The following SUPT16H variants were observed in gnomAD, a reference collection of about 807,000 sequenced individuals.
SUPT16H encodes FACT complex subunit SPT16.
A neutral mutation model predicts 136.2 loss-of-function variants in SUPT16H; 24 were observed. That is an observed-to-expected ratio of 0.18 (90% CI 0.13 to 0.25). The LOEUF (loss-of-function observed/expected upper bound fraction) is 0.25. SUPT16H is among the 10% of genes least tolerant of loss of function. The probability of loss-of-function intolerance (pLI) is 1.00; values close to 1 mark genes in which losing one functional copy is unlikely to be tolerated. For synonymous variants in SUPT16H, 415 were observed against 428.2 expected (o/e 0.97, Z 0.38); for missense variants, 623 against 1,270.2 (o/e 0.49, Z 7.74).
At chr14:21,359,334 G>C (rs1372644651) in intron 19 of SUPT16H, 150 bp downstream of exon 19, 2 of 1,044,458 alleles carry the variant, frequency 1.9e-6, no homozygotes, top group South Asian at 1.6e-5. Flanking sequence ...ACCCTCAGGT[G>C]ATCTGCCCAT....
chr14:21,383,951 G>C lies in SUPT16H; in HGVS notation c.-24C>G. ...ATAGCCCCGGACGCCGCTTCTCCTC[G>C]GGTTCCGAGAATCACGCGAGGTCCC... On this transcript the variant is annotated 5_prime_UTR_variant, in exon 1 of 26. Transcript: ENST00000216297. 1 of 1,612,230 alleles carries C rather than the reference G, an allele frequency of 6.2e-7. No individual in the cohort carries two copies. The highest frequency in any genetic ancestry group is 8.5e-7 in the Non-Finnish European group (1 of 1,180,002).
At position 21,357,214 on chromosome 14, in the gene SUPT16H, G is replaced by A. The variant is rs1164468575; in HGVS notation, c.2643C>T (p.Pro881=). The change falls in exon 22 of 26, where the codon CCC becomes CCT. Residue 881 remains proline (P), a synonymous_variant. Transcript: ENST00000216297. ...TTACTTACTTCAACCATTCCTTGAT[G>A]GGGTCAAGAGAGGCTACAGGAATGG... The part of the protein sequence containing the change: ...INAIPVASLD[P]IKEWLNSCDL... 6.3e-7 allele frequency: 1 copy of A among 1,596,858 alleles called. No homozygotes were observed. The highest frequency in any genetic ancestry group is 1.3e-5 in the African/African-American group (1 of 74,144).
intron 19 of SUPT16H, 137 bp from the exon 20 acceptor site, chr14:21,358,564 G>C: frequency 1.6e-6 from 1 of 625,636 alleles, no homozygotes; most frequent in African/African-American, 1.8e-5. Context: ...AGGATTTGCA[G>C]GTTTGTTACA....
Position 21,361,185 on chromosome 14 carries a change from GTGCCTTAATATTTGA to G in SUPT16H, c.1807_1821del (p.Ser603_Ala607del). On this transcript the variant is annotated inframe_deletion, in exon 16 of 26. Coordinates refer to ENST00000216297, the MANE Select transcript of SUPT16H (RefSeq NM_007192.4). ...AAGGCTGGTACTGTCTGTTCTCCGG[GTGCCTTAATATTTGA>G]TGCTCGGTATGTACTGCAGAAAAGC... 6.2e-7 allele frequency: 1 copy of G among 1,613,928 alleles called. No homozygotes were observed. The highest frequency in any genetic ancestry group is 1.3e-5 in the African/African-American group (1 of 74,978).
At chr14:21,361,634 T>C (rs1404575299) in intron 15 of SUPT16H, among the ~76,000 whole-genome samples, 2 of 152,142 alleles carry the variant, frequency 1.3e-5, no homozygotes, top group Non-Finnish European at 2.9e-5. Flanking sequence ...CTTTTTTCAT[T>C]TTTCAAATCT....
At chr14:21,376,014 CTA>C (rs1403729371) in intron 1 of SUPT16H, among the ~76,000 whole-genome samples, 1 of 152,216 alleles carries the variant, frequency 6.6e-6, no homozygotes, top group East Asian at 1.9e-4. Flanking sequence ...ACAGTTAGGT[CTA>C]TGATTCATTT....
At chr14:21,362,120 GCA>G (rs1886569703) in intron 15 of SUPT16H, 75 bp downstream of exon 15, 5 of 1,515,852 alleles carry the variant, frequency 3.3e-6, no homozygotes. Context: ...GGAAAATGTA[GCA>G]CAGACAATGA....
chr14:21,352,968 C>T, intron 25 of SUPT16H, 150 bp from the exon 26 acceptor site: 1 of 1,065,596 alleles, frequency 9.4e-7, no homozygotes, highest in Non-Finnish European at 1.4e-6. Flanking sequence ...GGTTTATTTA[C>T]AAAAGGGAGA....
At position 21,366,498 on chromosome 14, in the gene SUPT16H, G is replaced by C; in HGVS notation, c.987C>G (p.Val329=). The C allele has an allele frequency of 6.2e-7, 1 of 1,614,050 alleles. No individual in the cohort carries two copies. The highest frequency in any genetic ancestry group is 1.1e-5 in the South Asian group (1 of 91,058). Reference sequence around the variant, plus strand: ...GCTTCTGCTTTTTAACCACGTCCATGACAGCGTTATACACGTCACATATCT... The same window carrying C: ...GCTTCTGCTTTTTAACCACGTCCATCACAGCGTTATACACGTCACATATCT... ...GVKICDVYNA[V]MDVVKKQKPE... is the part of the protein sequence containing the mutation. Residue 329 remains valine (V), a synonymous_variant, in exon 8 of 26, where the codon GTC becomes GTG. Coordinates refer to ENST00000216297, the MANE Select transcript of SUPT16H (RefSeq NM_007192.4).
In SUPT16H at chr14:21,370,332, T is replaced by C. The variant is rs1886759178; in HGVS notation, c.483+4A>G. ...TGATTTGCTATTTCCAGTAGTATTC[T>C]TACTTTGTCAAAGCCTTCTTTGTTG... On this transcript the variant is annotated splice_donor_region_variant and intron_variant, in intron 4 of 25. Transcript: ENST00000216297. The C allele has an allele frequency of 6.2e-7, 1 of 1,610,682 alleles. No homozygotes were observed. The highest frequency in any genetic ancestry group is 8.5e-7 in the Non-Finnish European group (1 of 1,179,652).
At chr14:21,352,988 G>A (rs1039241948) in intron 25 of SUPT16H, among the ~76,000 whole-genome samples, 170 bp from the exon 26 acceptor site, 3 of 152,100 alleles carry the variant, frequency 2.0e-5, no homozygotes, top group African/African-American at 7.2e-5. Flanking sequence ...AATTATTTAA[G>A]GGTTAAATAA....
Position 21,360,955 on chromosome 14 carries a change from G to A in SUPT16H, c.1947C>T (p.Asp649=), listed in dbSNP as rs1185055440. ...TCCGGTTTAGATTGATCACCAGTGA[G>A]TCTTGTTTTACAATCCCCTAAGCAA... The part of the protein sequence containing the change: ...EKEKEGIVKQ[D]SLVINLNRSN... The change falls in exon 17 of 26, where the codon GAC becomes GAT. Residue 649 remains aspartate, a synonymous_variant. Coordinates refer to ENST00000216297, the MANE Select transcript of SUPT16H (RefSeq NM_007192.4). 6.2e-7 allele frequency: 1 copy of A among 1,614,000 alleles called. No individual in the cohort carries two copies. The highest frequency in any genetic ancestry group is 8.5e-7 in the Non-Finnish European group (1 of 1,179,958).
intron 17 of SUPT16H, 82 bp from the exon 18 acceptor site, chr14:21,360,615 C>G: frequency 2.3e-6 from 3 of 1,329,634 alleles, no homozygotes; most frequent in Non-Finnish European, 3.2e-6. Context: ...CTGATTTGCA[C>G]AGGGTCAGAG....
chr14:21,359,055 T>C (rs1031923891), intron 19 of SUPT16H, among the ~76,000 whole-genome samples: 2 of 152,046 alleles, frequency 1.3e-5, no homozygotes, highest in Admixed American at 6.6e-5. Flanking sequence ...TCTGCCTGTG[T>C]TGGCCTCCCA....
chr14:21,368,472 A>C (rs1886718437), intron 6 of SUPT16H, 31 bp from the exon 7 acceptor site: 1 of 1,575,108 alleles, frequency 6.3e-7, no homozygotes, highest in African/African-American at 1.4e-5. Context: ...AAAACATTTC[A>C]TTACCAAAAC....
intron 17 of SUPT16H, 115 bp from the exon 18 acceptor site, chr14:21,360,648 G>A: frequency 3.3e-6 from 4 of 1,196,122 alleles, no homozygotes; most frequent in Admixed American, 4.4e-5. Flanking sequence ...GCTGTATAGA[G>A]CTTTCCTTTC....
chr14:21,354,307 C>T, intron 23 of SUPT16H, 104 bp downstream of exon 23: 5 of 1,366,858 alleles, frequency 3.7e-6, no homozygotes, highest in Non-Finnish European at 4.9e-6. Flanking sequence ...TAGAGCTTCT[C>T]CCAGATGGCC....
At chr14:21,380,948 A>AT (rs930709352) in intron 1 of SUPT16H, among the ~76,000 whole-genome samples, 105 of 151,640 alleles carry the variant, frequency 6.9e-4, no homozygotes, top group African/African-American at 2.3e-3. Context: ...TCTAGTAGGC[A>AT]TAAGAGGACA....
intron 22 of SUPT16H, 125 bp downstream of exon 22, chr14:21,357,072 T>C (rs1301323712): frequency 5.0e-6 from 5 of 1,000,644 alleles, no homozygotes; most frequent in Non-Finnish European, 5.4e-6. Flanking sequence ...AGTCCTGGTC[T>C]GTAACAACCA....
Sources: allele counts gnomAD v4.1 joint callset (sites outside exome capture counted in the v4.1 genomes callset), GRCh38; gene constraint gnomAD v4.1.1; transcripts MANE v1.5; gene names NCBI Gene and HGNC (gene_info 2026-07-23, HGNC 2026-07-21).